SEMA5B: variants seen among roughly 807,000 people sequenced by gnomAD.
The protein encoded by SEMA5B is semaphorin-5B.
In SEMA5B, 66 loss-of-function variants were observed where a neutral mutation model predicts 135.0. The observed-to-expected ratio is 0.49, with a 90% confidence interval of 0.40 to 0.60. The LOEUF (loss-of-function observed/expected upper bound fraction) is 0.60, where lower values mean the gene tolerates loss of function less well. Ranked by LOEUF, SEMA5B falls within the 20% of genes least tolerant of loss-of-function variation. The pLI is 0.00. For missense variants in SEMA5B, 1,501 were observed against 1,566.3 expected, an observed-to-expected ratio of 0.96 and a Z score of 0.70; for synonymous variants, 690 against 639.5, an observed-to-expected ratio of 1.08 and a Z score of -1.19.
intron 3 of SEMA5B, among the ~76,000 whole-genome samples, chr3:122,945,116 C>T (rs1394233439): frequency 6.6e-6 from 1 of 152,174 alleles, no homozygotes; most frequent in Non-Finnish European, 1.5e-5. Context: ...GACAGGCAAA[C>T]ATTTAATCGC....
intron 8 of SEMA5B, among the ~76,000 whole-genome samples, 156 bp downstream of exon 8, chr3:122,927,634 C>G (rs1233686023): frequency 6.6e-6 from 1 of 152,224 alleles, no homozygotes; most frequent in Admixed American, 6.5e-5. Context: ...CTAGCATGCT[C>G]TGGTCTACTC....
chr3:122,953,000 C>G (rs1184267200), intron 2 of SEMA5B, among the ~76,000 whole-genome samples: 1 of 152,202 alleles, frequency 6.6e-6, no homozygotes, highest in Non-Finnish European at 1.5e-5. Context: ...CCTTCCTACA[C>G]CTTTGTAAAC....
chr3:122,980,219 G>A (rs1941474031), intron 1 of SEMA5B, among the ~76,000 whole-genome samples: 1 of 152,192 alleles, frequency 6.6e-6, no homozygotes, highest in Admixed American at 6.5e-5. Flanking sequence ...CCAGCACTTT[G>A]GGAGGCTGAG....
rs1326757851 is a variant in SEMA5B at position 122,943,496 on chromosome 3, G to A, written c.368C>T (p.Ala123Val). Residue 123 changes from alanine (A) to valine (V), a missense_variant, in exon 4 of 23, where the codon GCC (alanine) becomes GTC (valine). By Grantham distance (64) the Ala-to-Val change is moderately conservative. Transcript: ENST00000357599. ...PWVSNFTYPG[A>V]RDFSQLALDP... ...CAAAGCCAGCTGGGAGAAATCCCGG[G>A]CTCCAGGGTAGGTGAAGTTAGAGAC... 19 of 1,610,304 alleles carry A rather than the reference G, an allele frequency of 1.2e-5. No homozygotes were observed. The highest frequency in any genetic ancestry group is 1.6e-5 in the Non-Finnish European group (19 of 1,178,906).
At chr3:122,938,215 C>T (rs770595947) in intron 5 of SEMA5B, among the ~76,000 whole-genome samples, 2 of 152,136 alleles carry the variant, frequency 1.3e-5, no homozygotes, top group African/African-American at 4.8e-5. Context: ...TAGGATGAGA[C>T]CTGGCCTTTA....
At chr3:122,958,176 G>A (rs1360843882) in intron 2 of SEMA5B, 1 of 152,268 alleles carries the variant, frequency 6.6e-6, no homozygotes, top group Non-Finnish European at 1.5e-5. Context: ...GGGCCAGGGT[G>A]GGTGGGAAGG....
At chr3:123,001,131 G>GA (rs1243226868) in intron 1 of SEMA5B, among the ~76,000 whole-genome samples, 3 of 152,194 alleles carry the variant, frequency 2.0e-5, no homozygotes, top group African/African-American at 7.2e-5. Context: ...TGCTGGAGAA[G>GA]ATGGAAAGGC....
At chr3:122,943,263 G>GT (rs1939642002) in intron 4 of SEMA5B, among the ~76,000 whole-genome samples, 173 bp downstream of exon 4, 1 of 152,120 alleles carries the variant, frequency 6.6e-6, no homozygotes, top group Admixed American at 6.5e-5. Flanking sequence ...CCCCCACCCA[G>GT]CCGAAACACG....
At chr3:122,926,786 C>T in intron 8 of SEMA5B, 109 bp from the exon 9 acceptor site, 1 of 1,259,792 alleles carries the variant, frequency 7.9e-7, no homozygotes. Flanking sequence ...ATCCTGACAT[C>T]CTTCTCTCTG....
Position 122,923,667 on chromosome 3 carries a change from TCTC to T in SEMA5B, c.1219_1221del (p.Glu407del). The stretch of plus-strand genomic sequence containing the variant: ...ATGGGGAGCCAGGCAGCCCTGGGGT[TCTC>T]CTGGTAGCGAAATGGGCCATTGAAA... On this transcript the variant is annotated inframe_deletion, in exon 10 of 23. Coordinates refer to ENST00000357599, the MANE Select transcript of SEMA5B (RefSeq NM_001031702.4). The T allele has an allele frequency of 6.2e-7, 1 of 1,613,914 alleles. No homozygotes were observed. Among genetic ancestry groups the T allele is most frequent in the Non-Finnish European group, 8.5e-7 (1 of 1,179,920 alleles).
chr3:122,961,059 C>T, intron 2 of SEMA5B, 81 bp downstream of exon 2: 1 of 1,431,846 alleles, frequency 7.0e-7, no homozygotes, highest in Non-Finnish European at 9.5e-7. Flanking sequence ...TGATGATGCC[C>T]CAGATGAGGG....
At chr3:122,981,692 AC>A (rs1941525942) in intron 1 of SEMA5B, among the ~76,000 whole-genome samples, 1 of 152,252 alleles carries the variant, frequency 6.6e-6, no homozygotes, top group Non-Finnish European at 1.5e-5. Context: ...AGAGAGGCAC[AC>A]AGGCACTGTT....
intron 1 of SEMA5B, among the ~76,000 whole-genome samples, chr3:123,008,528 G>A (rs1576406474): frequency 1.3e-5 from 2 of 152,270 alleles, no homozygotes; most frequent in Non-Finnish European, 2.9e-5. Flanking sequence ...TGAATGGGAG[G>A]AGAGGAGAGT....
At chr3:123,003,706 C>A (rs893691982) in intron 1 of SEMA5B, among the ~76,000 whole-genome samples, 1 of 152,106 alleles carries the variant, frequency 6.6e-6, no homozygotes, top group Non-Finnish European at 1.5e-5. Context: ...CAGTGGCAGG[C>A]GCCTGTAATG....
intron 1 of SEMA5B, among the ~76,000 whole-genome samples, chr3:122,988,767 C>G (rs1941775902): frequency 6.6e-6 from 1 of 152,276 alleles, no homozygotes; most frequent in Admixed American, 6.5e-5. Context: ...CTCGCCTCAT[C>G]TGGGCTCTCA....
rs111335924 is a variant in SEMA5B, at chr3:122,913,284, T to C, written c.2421A>G (p.Ala807=). The change falls in exon 17 of 23, where the codon GCA becomes GCG. Residue 807 remains alanine (A), a synonymous_variant. Transcript: ENST00000357599. The part of the protein sequence containing the change: ...RFRFTCRAPL[A]DPHGLQFGRR... ...TGCCGAACTGCAGGCCGTGCGGGTC[T>C]GCAAGGGGCGCGCGGCAGGTGAAGC... 26 of 1,583,718 alleles carry C rather than the reference T, an allele frequency of 1.6e-5. No individual in the cohort carries two copies. In the African/African-American group the frequency reaches 2.9e-4, roughly 18 times the overall value.
At chr3:122,932,243 ATTTTTTTTTTTTTT>A (rs71136597) in intron 5 of SEMA5B, among the ~76,000 whole-genome samples, 1 of 85,380 alleles carries the variant, frequency 1.2e-5, no homozygotes, top group Non-Finnish European at 2.1e-5. Context: ...TCTCAATATG[ATTTTTTTTTTTTTT>A]TTTTTTTTTT....
rs1938488230 is a variant in SEMA5B at position 122,923,723 on chromosome 3, G to A, written c.1166C>T (p.Ala389Val). 3.1e-6 allele frequency: 5 copies of A among 1,614,132 alleles called. No individual in the cohort carries two copies. The highest frequency in any genetic ancestry group is 4.2e-6 in the Non-Finnish European group (5 of 1,179,998). The change falls in exon 10 of 23, where the codon GCC becomes GTC. Residue 389 changes from alanine (A) to valine (V), a missense_variant. By Grantham distance (64) the Ala-to-Val change is moderately conservative. This residue lies in a region of SEMA5B where 574 missense variants were observed against 684.7 expected (regional missense o/e 0.84). Transcript: ENST00000357599. ...CTGGGAGATAGCACTGAGGTTGAAG[G>A]CGCAGACAGCAGAAGCCGCGATGCT... Reference protein sequence around the residue: ...VNSIAASAVCAFNLSAISQAF... With the variant: ...VNSIAASAVCVFNLSAISQAF...
At chr3:123,022,475 G>A (rs917236478) in intron 1 of SEMA5B, among the ~76,000 whole-genome samples, 2 of 152,184 alleles carry the variant, frequency 1.3e-5, no homozygotes, top group African/African-American at 4.8e-5. Flanking sequence ...TGCCTTTAAA[G>A]CTTTCATGTA....
Sources: allele counts gnomAD v4.1 joint callset (sites outside exome capture counted in the v4.1 genomes callset), GRCh38; gene constraint gnomAD v4.1.1; regional missense constraint gnomAD v4.1.1; transcripts MANE v1.5; gene names NCBI Gene and HGNC (gene_info 2026-07-23, HGNC 2026-07-21).